SUGCT: variants seen among roughly 807,000 people sequenced by gnomAD.
The protein encoded by SUGCT is succinyl-CoA:glutarate-CoA transferase.
In SUGCT, 41 loss-of-function variants were observed where a neutral mutation model predicts 55.0. The ratio of observed to expected loss-of-function variants is 0.74; its 90% CI spans 0.58 to 0.97. The LOEUF is 0.97. SUGCT is among the 50% of genes least tolerant of loss of function. The pLI is 0.00. For missense variants in SUGCT, 568 were observed against 547.8 expected, an observed-to-expected ratio of 1.04 and a Z score of -0.37; for synonymous variants, 187 against 200.4, an observed-to-expected ratio of 0.93 and a Z score of 0.56.
At chr7:40,950,863 AT>A in the SUGCT span, among the ~76,000 whole-genome samples, 3 of 152,088 alleles carry the variant, frequency 2.0e-5, no homozygotes, top group African/African-American at 4.8e-5. Context: ...GTTTGCCAGT[AT>A]TTTATTGAGG....
At chr7:40,230,333 G>A (rs1014833828) in intron 6 of SUGCT, among the ~76,000 whole-genome samples, 19 of 152,314 alleles carry the variant, frequency 1.2e-4, no homozygotes, top group African/African-American at 3.8e-4. Flanking sequence ...CCAGAGATAA[G>A]ATATAGGTAG....
At chr7:40,248,888 G>GCC (rs774950218) in intron 7 of SUGCT, among the ~76,000 whole-genome samples, 1 of 135,522 alleles carries the variant, frequency 7.4e-6, no homozygotes, top group Non-Finnish European at 1.6e-5. Context: ...GCGCGCGCTC[G>GCC]CACACACACA....
At chr7:40,935,459 A>G in the SUGCT span, among the ~76,000 whole-genome samples, 3 of 152,310 alleles carry the variant, frequency 2.0e-5, no homozygotes, top group Non-Finnish European at 4.4e-5. Context: ...TTTTATGTTT[A>G]TGGCTTTGCC....
At chr7:40,234,956 T>A (rs1788929272) in intron 6 of SUGCT, among the ~76,000 whole-genome samples, 1 of 152,118 alleles carries the variant, frequency 6.6e-6, no homozygotes, top group South Asian at 2.1e-4. Flanking sequence ...TGGTTTTATT[T>A]TTTCTTCATG....
At chr7:41,018,289 A>G in the SUGCT span, among the ~76,000 whole-genome samples, 1 of 152,270 alleles carries the variant, frequency 6.6e-6, no homozygotes, top group African/African-American at 2.4e-5. Flanking sequence ...AGGGGCTACC[A>G]GAGAAGGTGA....
chr7:40,844,001 G>A (rs933553052), intron 13 of SUGCT, among the ~76,000 whole-genome samples: 2 of 152,072 alleles, frequency 1.3e-5, no homozygotes, highest in Non-Finnish European at 2.9e-5. Flanking sequence ...CACGGGAAGG[G>A]GAGTACTCAG....
At chr7:40,739,302 G>A (rs548486774) in intron 12 of SUGCT, among the ~76,000 whole-genome samples, 8 of 152,206 alleles carry the variant, frequency 5.3e-5, no homozygotes, top group Admixed American at 2.0e-4. Flanking sequence ...TCTGCTTCTA[G>A]AATGTTGTCA....
chr7:40,688,054 A>T lies in SUGCT; in HGVS notation c.1090-61380A>T, dbSNP rs1784541157. Among the ~76,000 whole-genome samples the T allele has an allele frequency of 2.6e-5, 4 of 152,228 alleles. No individual in the cohort carries two copies. The South Asian group carries it at 8.3e-4, about 32-fold the overall frequency. On this transcript the variant is annotated intron_variant, in intron 12 of 13. Coordinates refer to ENST00000335693, the MANE Select transcript of SUGCT (RefSeq NM_001193313.2). Reference sequence around the variant, plus strand: ...CAACAGTTTTTATTGAATATTCAAGATGCTAAGACTTAATTTGGAAACTCT... The same window carrying T: ...CAACAGTTTTTATTGAATATTCAAGTTGCTAAGACTTAATTTGGAAACTCT...
chr7:40,583,321 G>T (rs183392883), intron 12 of SUGCT, among the ~76,000 whole-genome samples: 42 of 152,030 alleles, frequency 2.8e-4, no homozygotes, highest in Admixed American at 2.6e-3. Flanking sequence ...GAGGGAGATA[G>T]ATTTTTCAAT....
At chr7:40,364,133 A>C (rs13238337) in intron 9 of SUGCT, among the ~76,000 whole-genome samples, 144,089 of 150,264 alleles carry the variant, frequency 0.96, 69,379 homozygotes, top group East Asian at 1. Flanking sequence ...ACTAGGATTG[A>C]AACCCCTGCC....
At chr7:40,323,105 C>T (rs558772945) in intron 9 of SUGCT, among the ~76,000 whole-genome samples, 40 of 148,962 alleles carry the variant, frequency 2.7e-4, no homozygotes, top group African/African-American at 9.4e-4. Flanking sequence ...TCCCATATGG[C>T]TCTGTTAATC....
intron 9 of SUGCT, among the ~76,000 whole-genome samples, chr7:40,434,197 C>T (rs115036584): frequency 2.6e-3 from 392 of 152,314 alleles, no homozygotes; most frequent in Middle Eastern, 0.017. Flanking sequence ...ATAACACTCT[C>T]ATGACCTTAA....
At chr7:40,717,196 G>A (rs1418525619) in intron 12 of SUGCT, among the ~76,000 whole-genome samples, 1 of 152,182 alleles carries the variant, frequency 6.6e-6, no homozygotes, top group Non-Finnish European at 1.5e-5. Flanking sequence ...CGATAATATT[G>A]TTGCAGAACT....
In SUGCT at chr7:40,854,395, T is replaced by TTTTC. The variant is rs145101175; in HGVS notation, c.1154-5900_1154-5897dup. Among the ~76,000 whole-genome samples, 319 of 124,316 alleles carry TTTTC rather than the reference T, an allele frequency of 2.6e-3. 3 individuals are homozygous for TTTTC. The highest frequency in any genetic ancestry group is 5.4e-3 in the African/African-American group (188 of 34,656). 81.6% of individuals were successfully genotyped at this position (124,316 alleles called of 152,430 possible). A position where few individuals can be genotyped will look rare whatever the true frequency, so the allele number is the denominator to read the frequency against. On this transcript the variant is annotated intron_variant, in intron 13 of 13. Coordinates refer to ENST00000335693, the MANE Select transcript of SUGCT (RefSeq NM_001193313.2). Reference sequence around the variant, plus strand: ...AGGTCCTTATTGTGTATCAAAATTTTTTTCTTTCTTTCTTTCTTTCTTTCC... The same window carrying TTTTC: ...AGGTCCTTATTGTGTATCAAAATTTTTTTCTTTCTTTCTTTCTTTCTTTCTTTCC...
intron 11 of SUGCT, among the ~76,000 whole-genome samples, chr7:40,472,824 T>C (rs1790467629): frequency 6.6e-6 from 1 of 152,122 alleles, no homozygotes; most frequent in Non-Finnish European, 1.5e-5. Context: ...ATGCCTTCTG[T>C]TATTAATTCA....
chr7:40,909,131 A>G, the SUGCT span, among the ~76,000 whole-genome samples: 2 of 152,184 alleles, frequency 1.3e-5, no homozygotes, highest in African/African-American at 4.8e-5. Flanking sequence ...TTATTAAGTA[A>G]AAGAGAGTGG....
chr7:40,961,685 G>A, the SUGCT span, among the ~76,000 whole-genome samples: 1 of 152,166 alleles, frequency 6.6e-6, no homozygotes, highest in Non-Finnish European at 1.5e-5. Context: ...CTTAAAGATG[G>A]TGTGTCTGGA....
At chr7:40,367,312 T>G (rs1391205445) in intron 9 of SUGCT, among the ~76,000 whole-genome samples, 5 of 151,542 alleles carry the variant, frequency 3.3e-5, no homozygotes, top group Non-Finnish European at 5.9e-5. Flanking sequence ...ATATACCTAA[T>G]GCTAAATGAC....
chr7:41,001,780 T>TTGG, the SUGCT span, among the ~76,000 whole-genome samples: 664 of 152,246 alleles, frequency 4.4e-3, 7 homozygotes, highest in African/African-American at 0.015. Flanking sequence ...TACCATCACA[T>TTGG]TGGTGGTGAG....
Sources: allele counts gnomAD v4.1 joint callset (sites outside exome capture counted in the v4.1 genomes callset), GRCh38; gene constraint gnomAD v4.1.1; transcripts MANE v1.5; gene names NCBI Gene and HGNC (gene_info 2026-07-23, HGNC 2026-07-21).